Variants in BTN1A1 observed in about 807,000 individuals in gnomAD.
BTN1A1 encodes the protein bK14H9.2 (butyrophilin, subfamily 1, member A1).
BTN1A1 carries 26 observed loss-of-function variants against 33.1 expected under a neutral mutation model. The observed-to-expected ratio is 0.79, with a 90% confidence interval of 0.58 to 1.09. BTN1A1 has a LOEUF of 1.09. Among genes scored for constraint, BTN1A1 ranks in the 50% least tolerant of loss-of-function variants. BTN1A1 has a pLI of 0.00. For synonymous variants in BTN1A1, 235 were observed against 256.2 expected (o/e 0.92, Z 0.79); for missense variants, 558 against 655.7 (o/e 0.85, Z 1.63).
In BTN1A1 at chr6:26,508,967, C is replaced by T; in HGVS notation, c.1374C>T (p.Pro458=). The change falls in exon 8 of 8, where the codon CCC becomes CCT. Residue 458 remains proline (P), a synonymous_variant. Transcript: ENST00000684113. The stretch of plus-strand genomic sequence containing the variant: ...TCACTTTCTCTGGCCCCCTCCGGCC[C>T]TTCTTTTGCCTATGGTCTAGCGGTA... ...SNVTFSGPLR[P]FFCLWSSGKK... 6.2e-7 allele frequency: 1 copy of T among 1,614,220 alleles called. No homozygotes were observed. The highest frequency in any genetic ancestry group is 1.3e-5 in the African/African-American group (1 of 75,048).
In BTN1A1 at chr6:26,509,670, G is replaced by C. The variant is rs953868742; in HGVS notation, c.*496G>C. ...GGAAGTGAGGTGAATCCAGGCACAT[G>C]ATGAACACCTGGCTCATCCATAGAG... On this transcript the variant is annotated 3_prime_UTR_variant, in exon 8 of 8. Transcript: ENST00000684113. 7 of 157,502 alleles carry C rather than the reference G, an allele frequency of 4.4e-5. No individual in the cohort carries two copies. Among genetic ancestry groups the C allele is most frequent in the African/African-American group, 1.4e-4 (6 of 41,466 alleles). 9.8% of individuals were successfully genotyped at this position (157,502 alleles called of 1,614,324 possible).
In BTN1A1 at chr6:26,505,102, T is replaced by C; in HGVS notation, c.605T>C (p.Val202Ala). 1 of 1,614,204 alleles carries C rather than the reference T, an allele frequency of 6.2e-7. No homozygotes were observed. Residue 202 changes from valine (V) to alanine (A), a missense_variant, in exon 4 of 8, where the codon GTG (valine) becomes GCG (alanine). Coordinates refer to ENST00000684113, the MANE Select transcript of BTN1A1 (RefSeq NM_001732.3). ...RNPDEEGLFT[V>A]AASVIIRDTS... ...CCTGATGAAGAAGGTTTGTTCACTGTGGCTGCTTCAGTGATCATCAGAGAC... is the reference window on the plus strand; with the variant it reads ...CCTGATGAAGAAGGTTTGTTCACTGCGGCTGCTTCAGTGATCATCAGAGAC...
In BTN1A1 at chr6:26,509,182, C is replaced by G; in HGVS notation, c.*8C>G. 6.3e-7 allele frequency: 1 copy of G among 1,595,448 alleles called. No individual in the cohort carries two copies. The highest frequency in any genetic ancestry group is 8.6e-7 in the Non-Finnish European group (1 of 1,169,344). On this transcript the variant is annotated 3_prime_UTR_variant, in exon 8 of 8. Transcript: ENST00000684113. ...AGCCAAGGGGCACCTTAAGGAATAT[C>G]TCAGCTCATCTGTTTTCCTTTCCTC...
chr6:26,506,986 C>T (rs1327918520), intron 5 of BTN1A1, among the ~76,000 whole-genome samples, 154 bp downstream of exon 5: 1 of 152,064 alleles, frequency 6.6e-6, no homozygotes, highest in African/African-American at 2.4e-5. Flanking sequence ...TTTGGGAAGC[C>T]GAGGTAGGTG....
chr6:26,508,005 G>A, intron 6 of BTN1A1, 35 bp downstream of exon 6: 4 of 1,613,612 alleles, frequency 2.5e-6, no homozygotes, highest in Non-Finnish European at 3.4e-6. Context: ...CACCCACAGA[G>A]TTTTCTCTCT....
rs1005051057 is a variant in BTN1A1, at chr6:26,505,174, G to T, written c.677G>T (p.Gly226Val). The change falls in exon 4 of 8, where the codon GGC becomes GTC. Residue 226 changes from glycine (G) to valine (V), a missense_variant. By Grantham distance (109) the Gly-to-Val change is moderately radical (BLOSUM62 -3). Transcript: ENST00000684113. ...TGCTACATCCAGAATCTCCTTCTTGGCCAGGAGAAGAAAGTAGAAATATCC... is the reference window on the plus strand; with the variant it reads ...TGCTACATCCAGAATCTCCTTCTTGTCCAGGAGAAGAAAGTAGAAATATCC... ...VSCYIQNLLL[G>V]QEKKVEISIP... is the part of the protein sequence containing the mutation. 2.5e-6 allele frequency: 4 copies of T among 1,613,678 alleles called. No individual in the cohort carries two copies. Among genetic ancestry groups the T allele is most frequent in the African/African-American group, 2.7e-5 (2 of 74,874 alleles).
Position 26,509,332 on chromosome 6 carries a change from G to A in BTN1A1, c.*158G>A. The stretch of plus-strand genomic sequence containing the variant: ...CATTGCTGCTGCTAGAGAGGGTGGG[G>A]ATTGCACCTTCCAAATCTGTTTCTG... On this transcript the variant is annotated 3_prime_UTR_variant, in exon 8 of 8. Coordinates refer to ENST00000684113, the MANE Select transcript of BTN1A1 (RefSeq NM_001732.3). 1 of 706,538 alleles carries A rather than the reference G, an allele frequency of 1.4e-6. No individual in the cohort carries two copies. The highest frequency in any genetic ancestry group is 2.3e-6 in the Non-Finnish European group (1 of 436,070). 43.8% of individuals were successfully genotyped at this position (706,538 alleles called of 1,614,324 possible).
chr6:26,504,269 C>T (rs1304741190), intron 3 of BTN1A1, among the ~76,000 whole-genome samples: 1 of 152,092 alleles, frequency 6.6e-6, no homozygotes, highest in Non-Finnish European at 1.5e-5. Context: ...AGTCCTATTT[C>T]TCCTCCTCCC....
chr6:26,508,528 C>T lies in BTN1A1; in HGVS notation c.935C>T (p.Ala312Val). Residue 312 changes from alanine to valine, a missense_variant, in exon 8 of 8, where the codon GCT (alanine) becomes GTT (valine). Physicochemically the swap from Ala to Val is moderately conservative, Grantham distance 64. Coordinates refer to ENST00000684113, the MANE Select transcript of BTN1A1 (RefSeq NM_001732.3). The stretch of plus-strand genomic sequence containing the variant: ...GATGTGACTCTGGACCCAGACACAG[C>T]TCATCCCCACCTCTTTCTTTATGAG... ...AVDVTLDPDT[A>V]HPHLFLYEDS... 1 of 1,613,576 alleles carries T rather than the reference C, an allele frequency of 6.2e-7. No homozygotes were observed. Among genetic ancestry groups the T allele is most frequent in the Non-Finnish European group, 8.5e-7 (1 of 1,179,714 alleles).
intron 4 of BTN1A1, 59 bp from the exon 5 acceptor site, chr6:26,506,624 A>G (rs1763873279): frequency 6.3e-7 from 1 of 1,578,306 alleles, no homozygotes; most frequent in Non-Finnish European, 8.7e-7. Flanking sequence ...GAATGTGGAG[A>G]AAAGCTGGAC....
intron 4 of BTN1A1, among the ~76,000 whole-genome samples, chr6:26,506,132 A>AAG (rs1763867382): frequency 1.3e-5 from 2 of 151,610 alleles, no homozygotes; most frequent in Non-Finnish European, 2.9e-5. Context: ...TCAAAAAAAA[A>AAG]AAAAAAGACT....
chr6:26,505,142 T>C lies in BTN1A1; in HGVS notation c.645T>C (p.Asn215=), dbSNP rs780516741. ...TCATCAGAGACACTTCTGCGAAAAA[T>C]GTGTCCTGCTACATCCAGAATCTCC... The part of the protein sequence containing the change: ...SVIIRDTSAK[N]VSCYIQNLLL... Residue 215 remains asparagine, a synonymous_variant, in exon 4 of 8, where the codon AAT becomes AAC. Coordinates refer to ENST00000684113, the MANE Select transcript of BTN1A1 (RefSeq NM_001732.3). The C allele has an allele frequency of 5.0e-6, 8 of 1,613,824 alleles. No individual in the cohort carries two copies. The highest frequency in any genetic ancestry group is 1.7e-5 in the Admixed American group (1 of 59,992).
Position 26,501,197 on chromosome 6 carries a change from C to A in BTN1A1, c.-57-33C>A. 1 of 1,079,568 alleles carries A rather than the reference C, an allele frequency of 9.3e-7. No homozygotes were observed. Among genetic ancestry groups the A allele is most frequent in the Non-Finnish European group, 1.4e-6 (1 of 697,324 alleles). The allele number at this position is 1,079,568 out of a possible 1,614,324, so 66.9% of individuals were successfully genotyped here. ...TTTGGAAAGCGGAGGGTTGACAGAG[C>A]CGGTAGTTGTCTCCTGTCCATTCAT... On this transcript the variant is annotated intron_variant, in intron 1 of 7. Transcript: ENST00000684113. This position sits in a 1 kb window ranked among gnomAD's most constrained non-coding sequence, Gnocchi z 5.2.
chr6:26,509,353 T>C lies in BTN1A1; in HGVS notation c.*179T>C. The C allele has an allele frequency of 1.6e-6, 1 of 622,712 alleles. No homozygotes were observed. Among genetic ancestry groups the C allele is most frequent in the Non-Finnish European group, 2.7e-6 (1 of 367,370 alleles). 38.6% of individuals were successfully genotyped at this position (622,712 alleles called of 1,614,324 possible). A position where few individuals can be genotyped will look rare whatever the true frequency, so the allele number is the denominator to read the frequency against. On this transcript the variant is annotated 3_prime_UTR_variant, in exon 8 of 8. Coordinates refer to ENST00000684113, the MANE Select transcript of BTN1A1 (RefSeq NM_001732.3). ...TGGGGATTGCACCTTCCAAATCTGT[T>C]TCTGTACCAATATTTGGGGGATGGA...
rs976981661 is a variant in BTN1A1, at chr6:26,508,019, A to G, written c.881-42A>G. 5.6e-6 allele frequency: 9 copies of G among 1,613,000 alleles called. No individual in the cohort carries two copies. In the African/African-American group the frequency reaches 1.1e-4, roughly 19 times the overall value. ...TCACCCACAGAGTTTTCTCTCTCTTATTATATAACCTGTCAATGACTATCT... is the reference window on the plus strand; with the variant it reads ...TCACCCACAGAGTTTTCTCTCTCTTGTTATATAACCTGTCAATGACTATCT... On this transcript the variant is annotated intron_variant, in intron 6 of 7. Transcript: ENST00000684113.
chr6:26,501,915 C>T lies in BTN1A1; in HGVS notation c.405C>T (p.Ala135=), dbSNP rs752857307. The change falls in exon 3 of 8, where the codon GCC becomes GCT. Residue 135 remains alanine (A), a synonymous_variant. Coordinates refer to ENST00000684113, the MANE Select transcript of BTN1A1 (RefSeq NM_001732.3). The surrounding 1 kb of genome is among the most constrained non-coding windows in gnomAD (Gnocchi z 5.2). ...GGGAGGATGGAAGCTACGAAGAAGC[C>T]CTGGTGCATCTGAAGGTGGCTGGTG... is the stretch of plus-strand genomic sequence containing the variant. ...FFREDGSYEE[A]LVHLKVAALG... The T allele has an allele frequency of 6.3e-7, 1 of 1,580,892 alleles. No homozygotes were observed. The highest frequency in any genetic ancestry group is 1.3e-5 in the African/African-American group (1 of 74,150).
At chr6:26,503,875 G>A (rs1436297530) in intron 3 of BTN1A1, among the ~76,000 whole-genome samples, 1 of 152,018 alleles carries the variant, frequency 6.6e-6, no homozygotes, top group Non-Finnish European at 1.5e-5. Flanking sequence ...TTTTATGAGT[G>A]GCAGACACCC....
In BTN1A1 at chr6:26,501,292, A is replaced by C; in HGVS notation, c.6A>C (p.Ala2=). Residue 2 remains alanine, a synonymous_variant, in exon 2 of 8, where the codon GCA becomes GCC. Transcript: ENST00000684113. The surrounding 1 kb of genome is among the most constrained non-coding windows in gnomAD (Gnocchi z 5.2). ...CTGCTCCAGAAGGGTGGGAGATGGC[A>C]GTTTTCCCAAGCTCCGGTCTCCCCA... M[A]VFPSSGLPRC... 6.2e-7 allele frequency: 1 copy of C among 1,614,064 alleles called. No homozygotes were observed. The highest frequency in any genetic ancestry group is 8.5e-7 in the Non-Finnish European group (1 of 1,179,932).
Position 26,508,945 on chromosome 6 carries a change from C to T in BTN1A1, c.1352C>T (p.Thr451Ile), listed in dbSNP as rs1185731821. The change falls in exon 8 of 8, where the codon ACT (threonine) becomes ATT (isoleucine). Residue 451 changes from threonine to isoleucine, a missense_variant. Thr to Ile is a moderately conservative substitution (Grantham distance 89). Transcript: ENST00000684113. ...GSDIYTFSNV[T>I]FSGPLRPFFC... Reference sequence around the variant, plus strand: ...GATATCTATACTTTCTCCAATGTCACTTTCTCTGGCCCCCTCCGGCCCTTC... The same window carrying T: ...GATATCTATACTTTCTCCAATGTCATTTTCTCTGGCCCCCTCCGGCCCTTC... The T allele has an allele frequency of 6.2e-7, 1 of 1,614,226 alleles. No individual in the cohort carries two copies. The highest frequency in any genetic ancestry group is 1.3e-5 in the African/African-American group (1 of 75,066).
Sources: allele counts gnomAD v4.1 joint callset (sites outside exome capture counted in the v4.1 genomes callset), GRCh38; gene constraint gnomAD v4.1.1; non-coding constraint Gnocchi (gnomAD v3.1); transcripts MANE v1.5; gene names NCBI Gene and HGNC (gene_info 2026-07-23, HGNC 2026-07-21).